Variants in ANKRD30B observed in about 807,000 individuals in gnomAD.
The protein encoded by ANKRD30B is ankyrin repeat domain 30B.
ANKRD30B carries 144 observed loss-of-function variants against 202.2 expected under a neutral mutation model. The ratio of observed to expected loss-of-function variants is 0.71; its 90% CI spans 0.62 to 0.82. The LOEUF is 0.82. Among genes scored for constraint, ANKRD30B ranks in the 40% least tolerant of loss-of-function variants. The pLI is 0.00. For synonymous variants in ANKRD30B, 508 were observed against 561.3 expected (o/e 0.91, Z 1.34); for missense variants, 1,487 against 1,669.1 (o/e 0.89, Z 1.90).
Position 14,767,271 on chromosome 18 carries a change from TG to T in ANKRD30B, c.1226-2066del, listed in dbSNP as rs559727011. ...AAGTACAGTAATTCACCCTTATCCA[TG>T]GGGGGTATTTTCTAAGACACCCGGT... On this transcript the variant is annotated intron_variant, in intron 7 of 43. Transcript: ENST00000690538. Among the ~76,000 whole-genome samples, 5 of 152,230 alleles carry T rather than the reference TG, an allele frequency of 3.3e-5. No individual in the cohort carries two copies. The East Asian group carries it at 7.7e-4, about 24-fold the overall frequency.
the ANKRD30B span, among the ~76,000 whole-genome samples, chr18:14,929,025 G>A: frequency 6.6e-6 from 1 of 152,228 alleles, no homozygotes; most frequent in Admixed American, 6.5e-5. Flanking sequence ...TGAAATCTGT[G>A]TACTGGACTT....
the ANKRD30B span, among the ~76,000 whole-genome samples, chr18:14,892,742 CAAAAAAAAAAA>C: frequency 1.4e-5 from 1 of 72,902 alleles, no homozygotes; most frequent in Non-Finnish European, 2.3e-5. Context: ...TCTGTTTCAC[CAAAAAAAAAAA>C]AAAAAAAAAA....
chr18:14,863,362 A>C, the ANKRD30B span, among the ~76,000 whole-genome samples: 1 of 152,068 alleles, frequency 6.6e-6, no homozygotes, highest in Non-Finnish European at 1.5e-5. Flanking sequence ...GTCACATGAG[A>C]GCTGGTTGTT....
the ANKRD30B span, among the ~76,000 whole-genome samples, chr18:14,861,263 C>T: frequency 1.3e-5 from 2 of 152,012 alleles, no homozygotes. Flanking sequence ...AGGAAGAAAA[C>T]CTAACACATC....
intron 16 of ANKRD30B, among the ~76,000 whole-genome samples, chr18:14,795,624 A>G (rs570810954): frequency 6.6e-6 from 1 of 152,342 alleles, no homozygotes; most frequent in African/African-American, 2.4e-5. Flanking sequence ...TCAAAAATAA[A>G]TATATTTATA....
intron 8 of ANKRD30B, 23 bp from the exon 9 acceptor site, chr18:14,772,133 T>C: frequency 7.0e-7 from 1 of 1,428,158 alleles, no homozygotes; most frequent in Non-Finnish European, 9.4e-7. Context: ...TGCTCATTTA[T>C]GTTGTATCAT....
intron 36 of ANKRD30B, among the ~76,000 whole-genome samples, chr18:14,838,271 T>C (rs1971265013): frequency 6.6e-6 from 1 of 150,530 alleles, no homozygotes; most frequent in Admixed American, 6.6e-5. Context: ...TATGATTCTG[T>C]GTATATCTAG....
At chr18:14,907,472 C>T in the ANKRD30B span, among the ~76,000 whole-genome samples, 2 of 152,118 alleles carry the variant, frequency 1.3e-5, no homozygotes, top group Non-Finnish European at 2.9e-5. Context: ...ATGTCCCACC[C>T]GGGCCTGGAG....
At chr18:14,809,920 T>C in intron 26 of ANKRD30B, 66 bp from the exon 27 acceptor site, 1 of 1,310,790 alleles carries the variant, frequency 7.6e-7, no homozygotes, top group Non-Finnish European at 1.1e-6. Flanking sequence ...ATTCACACTC[T>C]ATGAACATTT....
At chr18:14,837,509 AT>A in intron 35 of ANKRD30B, 105 bp from the exon 36 acceptor site, 1 of 1,013,978 alleles carries the variant, frequency 9.9e-7, no homozygotes, top group South Asian at 1.9e-5. Flanking sequence ...TTTTGCTATT[AT>A]TTTTATTTTT....
At chr18:14,896,378 A>G in the ANKRD30B span, among the ~76,000 whole-genome samples, 18 of 151,922 alleles carry the variant, frequency 1.2e-4, no homozygotes, top group Admixed American at 2.6e-4. Flanking sequence ...TGATCTGCCC[A>G]CCTCGGCCTC....
At position 14,788,427 on chromosome 18, in the gene ANKRD30B, G is replaced by A. The variant is rs188050454; in HGVS notation, c.1734+1327G>A. ...TTATTATTATACTTTAAGTTTTAGG[G>A]TACATGTGCACAATGTGCAGTTTAG... On this transcript the variant is annotated intron_variant, in intron 15 of 43. Coordinates refer to ENST00000690538, the MANE Select transcript of ANKRD30B (RefSeq NM_001367607.2). Among the ~76,000 whole-genome samples, 126 of 152,170 alleles carry A rather than the reference G, an allele frequency of 8.3e-4. 1 individual carries two copies. Among genetic ancestry groups the A allele is most frequent in the Non-Finnish European group, 1.5e-3 (99 of 68,000 alleles).
chr18:14,929,011 G>A, the ANKRD30B span, among the ~76,000 whole-genome samples: 1 of 152,130 alleles, frequency 6.6e-6, no homozygotes, highest in Non-Finnish European at 1.5e-5. Flanking sequence ...TATTGTGACT[G>A]TAATGAAATC....
the ANKRD30B span, among the ~76,000 whole-genome samples, chr18:14,875,847 C>T: frequency 6.6e-6 from 1 of 152,088 alleles, no homozygotes; most frequent in Non-Finnish European, 1.5e-5. Flanking sequence ...CATTCTTTAC[C>T]CTCTCTGAAA....
chr18:14,888,106 T>A, the ANKRD30B span, among the ~76,000 whole-genome samples: 1 of 152,050 alleles, frequency 6.6e-6, no homozygotes, highest in African/African-American at 2.4e-5. Flanking sequence ...CATGTTCTAA[T>A]CCTGTACTTT....
intron 16 of ANKRD30B, among the ~76,000 whole-genome samples, chr18:14,793,279 C>G (rs1390260469): frequency 6.6e-6 from 1 of 152,102 alleles, no homozygotes; most frequent in Admixed American, 6.5e-5. Context: ...CAGCTGAACT[C>G]TCATCCGAAC....
chr18:14,796,478 G>C, intron 18 of ANKRD30B, 63 bp downstream of exon 18: 1 of 1,474,214 alleles, frequency 6.8e-7, no homozygotes, highest in Non-Finnish European at 9.1e-7. Context: ...GAAATGCCGA[G>C]AGGCTTTTAT....
At chr18:14,938,507 T>C in the ANKRD30B span, among the ~76,000 whole-genome samples, 1 of 152,136 alleles carries the variant, frequency 6.6e-6, no homozygotes. Context: ...GTCCTCTACC[T>C]GGTAGGGGAC....
chr18:14,748,574 A>C lies in ANKRD30B; in HGVS notation c.155A>C (p.Gln52Pro). The C allele has an allele frequency of 6.4e-7, 1 of 1,563,118 alleles. No homozygotes were observed. Among genetic ancestry groups the C allele is most frequent in the Non-Finnish European group, 8.7e-7 (1 of 1,153,404 alleles). Reference protein sequence around the residue: ...IHTAASRGQVQKLEKMTVGKK... With the variant: ...IHTAASRGQVPKLEKMTVGKK... Reference sequence around the variant, plus strand: ...ACAGCTGCCTCCCGGGGCCAAGTCCAGAAGCTGGAGAAGATGACAGTAGGG... The same window carrying C: ...ACAGCTGCCTCCCGGGGCCAAGTCCCGAAGCTGGAGAAGATGACAGTAGGG... Residue 52 changes from glutamine (Q) to proline (P), a missense_variant, in exon 1 of 44, where the codon CAG becomes CCG. Physicochemically the swap from Gln to Pro is moderately conservative, Grantham distance 76. Around this residue, in one of 6 missense-constraint regions of ANKRD30B, gnomAD observed 889 missense variants for 841.4 expected, o/e 1.06. Transcript: ENST00000690538.
Sources: allele counts gnomAD v4.1 joint callset (sites outside exome capture counted in the v4.1 genomes callset), GRCh38; gene constraint gnomAD v4.1.1; regional missense constraint gnomAD v4.1.1; transcripts MANE v1.5; gene names NCBI Gene and HGNC (gene_info 2026-07-23, HGNC 2026-07-21).